The following UTRN variants were observed in gnomAD, a reference collection of about 807,000 sequenced individuals.
UTRN encodes dystrophin-related protein 1.
Under a neutral mutation model 463.9 loss-of-function variants are expected in UTRN, and 283 were observed. The ratio of observed to expected loss-of-function variants is 0.61; its 90% confidence interval spans 0.55 to 0.67. The LOEUF (loss-of-function observed/expected upper bound fraction) is 0.67, where lower values mean the gene tolerates loss of function less well. Ranked by LOEUF, UTRN falls within the 30% of genes least tolerant of loss-of-function variation. The probability of loss-of-function intolerance (pLI) is 0.00; values close to 1 mark genes in which losing one functional copy is unlikely to be tolerated. For missense variants in UTRN, 3,922 were observed against 4,084.3 expected (o/e 0.96, Z 1.08); for synonymous variants, 1,442 against 1,431.5 (o/e 1.01, Z -0.17).
intron 51 of UTRN, among the ~76,000 whole-genome samples, chr6:144,640,037 T>G (rs551231246): frequency 4.5e-5 from 6 of 134,818 alleles, no homozygotes; most frequent in African/African-American, 1.8e-4. Flanking sequence ...GAACAAAGTG[T>G]TTTTGGTTTT....
intron 2 of UTRN, among the ~76,000 whole-genome samples, chr6:144,366,960 T>C (rs1779562709): frequency 6.6e-6 from 1 of 152,182 alleles, no homozygotes; most frequent in South Asian, 2.1e-4. Flanking sequence ...TGTGAGATGG[T>C]ATCTCTACTT....
intron 50 of UTRN, among the ~76,000 whole-genome samples, chr6:144,563,026 A>T (rs1800075155): frequency 6.6e-6 from 1 of 152,162 alleles, no homozygotes; most frequent in Non-Finnish European, 1.5e-5. Flanking sequence ...TTCATAAGAC[A>T]CAATTATTTA....
At chr6:144,740,717 G>A (rs976717310) in intron 54 of UTRN, among the ~76,000 whole-genome samples, 1 of 152,200 alleles carries the variant, frequency 6.6e-6, no homozygotes, top group African/African-American at 2.4e-5. Flanking sequence ...AGCCAGCTGA[G>A]TAAGCCCATC....
chr6:144,591,805 G>A (rs1803102646), intron 51 of UTRN, among the ~76,000 whole-genome samples: 1 of 151,914 alleles, frequency 6.6e-6, no homozygotes. Context: ...GAAAAAAAAA[G>A]TTCTTGATTC....
intron 2 of UTRN, among the ~76,000 whole-genome samples, chr6:144,310,145 G>A (rs1300423914): frequency 6.6e-6 from 1 of 152,228 alleles, no homozygotes; most frequent in Non-Finnish European, 1.5e-5. Flanking sequence ...CATAGTATGT[G>A]CTCAATAAAT....
chr6:144,531,686 T>A (rs958117351), intron 42 of UTRN, among the ~76,000 whole-genome samples: 2 of 152,178 alleles, frequency 1.3e-5, no homozygotes, highest in African/African-American at 4.8e-5. Flanking sequence ...ACAAAGTTAG[T>A]TCTGATAACA....
chr6:144,488,018 G>A (rs926656772), intron 29 of UTRN, among the ~76,000 whole-genome samples: 12 of 152,180 alleles, frequency 7.9e-5, no homozygotes, highest in African/African-American at 2.9e-4. Flanking sequence ...TTAGGGCCAT[G>A]ATATTTCACA....
At chr6:144,587,554 C>A (rs1208092944) in intron 51 of UTRN, among the ~76,000 whole-genome samples, 1 of 152,140 alleles carries the variant, frequency 6.6e-6, no homozygotes, top group African/African-American at 2.4e-5. Context: ...GTACAGCTCC[C>A]TGTATTTAGA....
At chr6:144,350,264 A>T (rs959582214) in intron 2 of UTRN, among the ~76,000 whole-genome samples, 8 of 152,156 alleles carry the variant, frequency 5.3e-5, no homozygotes, top group African/African-American at 1.4e-4. Context: ...TCTAAAAAAA[A>T]AAAAAATGTA....
At position 144,450,128 on chromosome 6, in the gene UTRN, C is replaced by T. The variant is rs571648653; in HGVS notation, c.2073-1242C>T. ...CTGTTACTATCTTAGTTGTGACTCC[C>T]GTTGCTTTCACAGCCTGTTCTCGAC... On this transcript the variant is annotated intron_variant, in intron 17 of 74. Transcript: ENST00000367545. Among the ~76,000 whole-genome samples, 22 of 152,254 alleles carry T rather than the reference C, an allele frequency of 1.4e-4. 1 individual carries two copies. Among genetic ancestry groups the T allele is most frequent in the Admixed American group, 7.9e-4 (12 of 15,280 alleles).
intron 53 of UTRN, among the ~76,000 whole-genome samples, chr6:144,711,913 A>G (rs963112026): frequency 1.3e-5 from 2 of 152,200 alleles, no homozygotes; most frequent in Non-Finnish European, 2.9e-5. Flanking sequence ...CATTAAAATA[A>G]CAAATTCTAA....
At chr6:144,569,392 A>T (rs1038439794) in intron 50 of UTRN, among the ~76,000 whole-genome samples, 3 of 152,110 alleles carry the variant, frequency 2.0e-5, no homozygotes, top group African/African-American at 7.2e-5. Context: ...TTAAAAAAAA[A>T]TTCCAGGACA....
rs1489860195 is a variant in UTRN, at chr6:144,605,502, C to T, written c.7479+28214C>T. ...GTTCCCACTCTTATTTCATTGTGAC[C>T]GAATAACTTTTCCATTACCATTCAG... On this transcript the variant is annotated intron_variant, in intron 51 of 74. Transcript: ENST00000367545. Among the ~76,000 whole-genome samples, 7 of 151,364 alleles carry T rather than the reference C, an allele frequency of 4.6e-5. No individual in the cohort carries two copies. In the East Asian group the frequency reaches 5.8e-4, roughly 13 times the overall value.
Position 144,438,848 on chromosome 6 carries a change from CT to C in UTRN, c.1346del (p.Leu449ArgfsTer5), listed in dbSNP as rs1786845358. The stretch of plus-strand genomic sequence containing the variant: ...CATTCAGAAGATGGAAACTTGCCCC[CT>C]GGATGATGATGTAAAATCTCTACAA... ...ERIQKMETCP[L>X]DDDVKSLQKL... On this transcript the variant is annotated frameshift_variant, in exon 12 of 75. Transcript: ENST00000367545. LOFTEE classifies it high-confidence loss of function. The C allele has an allele frequency of 1.9e-6, 3 of 1,614,194 alleles. No homozygotes were observed. The highest frequency in any genetic ancestry group is 3.3e-5 in the Admixed American group (2 of 60,030).
At chr6:144,694,868 GT>G (rs1297093460) in intron 52 of UTRN, among the ~76,000 whole-genome samples, 2 of 151,158 alleles carry the variant, frequency 1.3e-5, no homozygotes, top group East Asian at 1.9e-4. Flanking sequence ...CTTTTGAATG[GT>G]TTTTTTGTGT....
chr6:144,321,211 A>AAC (rs3061624), intron 2 of UTRN, among the ~76,000 whole-genome samples: 30 of 150,924 alleles, frequency 2.0e-4, no homozygotes, highest in East Asian at 5.8e-4. Context: ...ACTATTTACA[A>AAC]ACACACACAC....
chr6:144,520,309 T>C (rs561838813), intron 39 of UTRN, among the ~76,000 whole-genome samples: 2 of 152,348 alleles, frequency 1.3e-5, no homozygotes, highest in South Asian at 2.1e-4. Flanking sequence ...AAAAGAATTA[T>C]TTTTGATTTT....
At chr6:144,748,590 T>C (rs1791016079) in intron 55 of UTRN, 76 bp downstream of exon 55, 1 of 1,528,706 alleles carries the variant, frequency 6.5e-7, no homozygotes. Flanking sequence ...GAGAGCCACG[T>C]ATATAAATTG....
chr6:144,673,333 T>A lies in UTRN; in HGVS notation c.7480-5073T>A, dbSNP rs369295425. Reference sequence around the variant, plus strand: ...TCCCATTTCTTAGGTCTAGTAGTAATTATTTTATAAATTTGGGAGCTCCTA... The same window carrying A: ...TCCCATTTCTTAGGTCTAGTAGTAAATATTTTATAAATTTGGGAGCTCCTA... On this transcript the variant is annotated intron_variant, in intron 51 of 74. Transcript: ENST00000367545. 1.2e-4 allele frequency among the ~76,000 whole-genome samples: 19 copies of A among 152,268 alleles called. No individual in the cohort carries two copies. In the East Asian group the frequency reaches 3.5e-3, roughly 28 times the overall value.
Sources: allele counts gnomAD v4.1 joint callset (sites outside exome capture counted in the v4.1 genomes callset), GRCh38; gene constraint gnomAD v4.1.1; transcripts MANE v1.5; gene names NCBI Gene and HGNC (gene_info 2026-07-23, HGNC 2026-07-21).